ATP11A: variants seen among roughly 807,000 people sequenced by gnomAD.
The protein encoded by ATP11A is ATPase phospholipid transporting 11A.
A neutral mutation model predicts 154.4 loss-of-function variants in ATP11A; 81 were observed. The observed-to-expected ratio is 0.52, with a 90% CI of 0.44 to 0.63. ATP11A has a LOEUF of 0.63. Ranked by LOEUF, ATP11A falls within the 30% of genes least tolerant of loss-of-function variation. ATP11A has a pLI of 0.00. For missense variants in ATP11A, 1,316 were observed against 1,474.3 expected (o/e 0.89, Z 1.76); for synonymous variants, 623 against 585.9 (o/e 1.06, Z -0.91).
intron 28 of ATP11A, 117 bp downstream of exon 28, chr13:112,876,058 C>A: frequency 8.3e-7 from 1 of 1,207,578 alleles, no homozygotes; most frequent in Non-Finnish European, 1.1e-6. Flanking sequence ...GTGATCAGTT[C>A]AGGTATCACT....
rs77600835 is a variant in ATP11A, at chr13:112,864,510, G to A, written c.2991+1935G>A. ...CATGCACAGTAATTCAGTGCAGCCC[G>A]TGCAGCTTCCCAGCGGGGTCCATCA... On this transcript the variant is annotated intron_variant, in intron 25 of 29. Transcript: ENST00000375645. Among the ~76,000 whole-genome samples the A allele has an allele frequency of 2.3e-3, 91 of 39,226 alleles. 4 individuals are homozygous for A. The highest frequency in any genetic ancestry group is 2.6e-3 in the Non-Finnish European group (52 of 20,288). 25.7% of individuals were successfully genotyped at this position (39,226 alleles called of 152,430 possible).
At chr13:112,871,636 A>T in intron 25 of ATP11A, 99 bp from the exon 26 acceptor site, 1 of 1,119,996 alleles carries the variant, frequency 8.9e-7, no homozygotes, top group Non-Finnish European at 1.4e-6. Flanking sequence ...AAGTGTTGGC[A>T]CACAAGAAAA....
intron 1 of ATP11A, among the ~76,000 whole-genome samples, chr13:112,761,834 A>G (rs2076971477): frequency 1.3e-5 from 2 of 152,142 alleles, no homozygotes; most frequent in Non-Finnish European, 2.9e-5. Flanking sequence ...GGCTCATTCT[A>G]GCTGTGCTTT....
intron 11 of ATP11A, among the ~76,000 whole-genome samples, chr13:112,826,004 C>A (rs1286671414): frequency 6.6e-6 from 1 of 152,044 alleles, no homozygotes; most frequent in Admixed American, 6.5e-5. Flanking sequence ...TGTGTGCAAA[C>A]CCAGACCTGT....
chr13:112,719,439 G>A (rs1342487607), intron 1 of ATP11A, among the ~76,000 whole-genome samples: 2 of 152,202 alleles, frequency 1.3e-5, no homozygotes, highest in African/African-American at 2.4e-5. Flanking sequence ...AATCCCATTT[G>A]CCGAATCAAA....
intron 5 of ATP11A, among the ~76,000 whole-genome samples, chr13:112,811,271 TCC>T (rs1328481597): frequency 7.0e-6 from 1 of 141,976 alleles, no homozygotes; most frequent in African/African-American, 2.7e-5. Flanking sequence ...ACTGCCCCCA[TCC>T]CCACACACAC....
intron 2 of ATP11A, among the ~76,000 whole-genome samples, chr13:112,803,564 G>T (rs1319095863): frequency 7.1e-6 from 1 of 141,764 alleles, no homozygotes; most frequent in Non-Finnish European, 1.5e-5. Context: ...TCCAAACTCA[G>T]TGAAGGTTCG....
intron 20 of ATP11A, chr13:112,856,349 A>G (rs1207437053): frequency 3.7e-4 from 27 of 72,420 alleles, no homozygotes; most frequent in African/African-American, 2.0e-3. Flanking sequence ...GACTTCTGTT[A>G]AAAAAAAAAA....
intron 1 of ATP11A, among the ~76,000 whole-genome samples, chr13:112,781,195 G>A (rs1243041218): frequency 6.6e-6 from 1 of 152,100 alleles, no homozygotes; most frequent in Non-Finnish European, 1.5e-5. Flanking sequence ...CCACATGCCC[G>A]GCTAATTTTT....
At chr13:112,837,559 C>A (rs2079271742) in intron 16 of ATP11A, among the ~76,000 whole-genome samples, 1 of 152,220 alleles carries the variant, frequency 6.6e-6, no homozygotes, top group African/African-American at 2.4e-5. Context: ...AGCGTCAGAG[C>A]AGGGCTTCAT....
In ATP11A at chr13:112,756,098, A is replaced by C. The variant is rs1413242690; in HGVS notation, c.40-29037A>C. 2.0e-5 allele frequency among the ~76,000 whole-genome samples: 3 copies of C among 152,270 alleles called. No homozygotes were observed. The East Asian group carries it at 5.8e-4, about 29-fold the overall frequency. ...ATTTCCAGTCATGGAAGCATTACTT[A>C]GAGCAGCGTAAATTTCTTAGCAACC... On this transcript the variant is annotated intron_variant, in intron 1 of 29. Transcript: ENST00000375645.
rs529192881 is a variant in ATP11A, at chr13:112,858,236, C to T, written c.2613C>T (p.His871=). ...ATTTGAAGAAGATGCTGCTTGTTCA[C>T]GGGCATTTTTATTACATTAGGATCT... ...FKHLKKMLLV[H]GHFYYIRISE... is the part of the protein sequence containing the mutation. The change falls in exon 22 of 30, where the codon CAC becomes CAT. Residue 871 remains histidine (H), a synonymous_variant. Transcript: ENST00000375645. 1.3e-4 allele frequency: 203 copies of T among 1,614,062 alleles called. 3 individuals carry two copies. In the South Asian group the frequency reaches 1.9e-3, roughly 15 times the overall value.
intron 5 of ATP11A, among the ~76,000 whole-genome samples, chr13:112,815,660 T>C (rs947273474): frequency 2.0e-5 from 3 of 152,272 alleles, no homozygotes; most frequent in Non-Finnish European, 2.9e-5. Flanking sequence ...CCACTTTTGC[T>C]TTATTTGTCC....
chr13:112,764,329 G>A (rs1036818830), intron 1 of ATP11A, among the ~76,000 whole-genome samples: 4 of 149,342 alleles, frequency 2.7e-5, no homozygotes, highest in African/African-American at 1.0e-4. Flanking sequence ...CCTTGTGTCT[G>A]TCACAGACAG....
At chr13:112,778,815 G>A (rs111688055) in intron 1 of ATP11A, among the ~76,000 whole-genome samples, 2 of 100,498 alleles carry the variant, frequency 2.0e-5, no homozygotes, top group East Asian at 3.3e-4. Context: ...GTGAGTAGCC[G>A]CTGGAGTGAG....
intron 1 of ATP11A, among the ~76,000 whole-genome samples, chr13:112,701,660 G>A (rs1300662917): frequency 1.3e-5 from 2 of 151,936 alleles, no homozygotes; most frequent in African/African-American, 2.4e-5. Context: ...ATGAAACCCC[G>A]TCTTTCCTAA....
chr13:112,869,378 G>C (rs970417804), intron 25 of ATP11A, among the ~76,000 whole-genome samples: 24 of 152,198 alleles, frequency 1.6e-4, no homozygotes, highest in African/African-American at 5.8e-4. Context: ...CCTTATCCCA[G>C]TTCTGCCATT....
At chr13:112,847,008 G>A (rs1456144682) in intron 17 of ATP11A, among the ~76,000 whole-genome samples, 3 of 152,126 alleles carry the variant, frequency 2.0e-5, no homozygotes, top group Admixed American at 6.5e-5. Context: ...TTGAGGGGCC[G>A]TCCACAGCCT....
intron 3 of ATP11A, among the ~76,000 whole-genome samples, chr13:112,805,257 T>G (rs952179728): frequency 6.6e-6 from 1 of 152,246 alleles, no homozygotes. Context: ...ACTTTGGGTT[T>G]AAGTTGGTGA....
Sources: allele counts gnomAD v4.1 joint callset (sites outside exome capture counted in the v4.1 genomes callset), GRCh38; gene constraint gnomAD v4.1.1; transcripts MANE v1.5; gene names NCBI Gene and HGNC (gene_info 2026-07-23, HGNC 2026-07-21).